Variants in CNTRL observed in about 807,000 individuals in gnomAD.
The protein encoded by CNTRL is centriolin.
In CNTRL, 233 loss-of-function variants were observed where a neutral mutation model predicts 303.7. That is an observed-to-expected ratio of 0.77 (90% confidence interval 0.69 to 0.86). The LOEUF is 0.86. Ranked by LOEUF, CNTRL falls within the 40% of genes least tolerant of loss-of-function variation. CNTRL has a pLI of 0.00. For missense variants in CNTRL, 2,524 were observed against 2,650.6 expected (o/e 0.95, Z 1.05); for synonymous variants, 900 against 922.2 (o/e 0.98, Z 0.44).
rs201327336 is a variant in CNTRL at position 121,143,943 on chromosome 9, G to A, written c.2912G>A (p.Gly971Asp). Residue 971 changes from glycine (G) to aspartate (D), a missense_variant, in exon 20 of 44, where the codon GGT becomes GAT. By Grantham distance (94) the Gly-to-Asp change is moderately conservative. Coordinates refer to ENST00000373855, the MANE Select transcript of CNTRL (RefSeq NM_007018.6). ...EDAKSQEQVF[G>D]LDKELKKLKK... ...GCCAAATCTCAGGAGCAAGTTTTTGGTTTAGATAAAGAACTGAAGAAACTA... is the reference window on the plus strand; with the variant it reads ...GCCAAATCTCAGGAGCAAGTTTTTGATTTAGATAAAGAACTGAAGAAACTA... 277 of 1,607,262 alleles carry A rather than the reference G, an allele frequency of 1.7e-4. No individual in the cohort carries two copies. Among genetic ancestry groups the A allele is most frequent in the Admixed American group, 5.0e-4 (29 of 57,882 alleles).
At chr9:121,146,021 A>T in intron 22 of CNTRL, 87 bp from the exon 23 acceptor site, 1 of 1,229,908 alleles carries the variant, frequency 8.1e-7, no homozygotes, top group Non-Finnish European at 1.1e-6. Context: ...TGATAAAATT[A>T]ATTGGCTCTC....
intron 1 of CNTRL, among the ~76,000 whole-genome samples, chr9:121,075,492 G>A (rs2131888768): frequency 6.6e-6 from 1 of 152,362 alleles, no homozygotes; most frequent in Middle Eastern, 3.4e-3. Context: ...ACGGAGTACA[G>A]TGCGTGGAGA....
intron 11 of CNTRL, among the ~76,000 whole-genome samples, chr9:121,117,901 C>A (rs1227830976): frequency 2.0e-5 from 3 of 151,864 alleles, no homozygotes; most frequent in Non-Finnish European, 4.4e-5. Flanking sequence ...ATGGCGTGAA[C>A]CCGGGATGCA....
Position 121,169,689 on chromosome 9 carries a change from C to G in CNTRL, c.6149C>G (p.Ser2050Cys). Residue 2050 changes from serine to cysteine, a missense_variant, in exon 39 of 44, where the codon TCT (serine) becomes TGT (cysteine). Transcript: ENST00000373855. ...ELLALQKEAD[S>C]MRADFSLLRN... ...TTGGCCCTCCAGAAAGAGGCAGATT[C>G]TATGAGGGCAGACTTCAGCCTTCTG... The G allele has an allele frequency of 1.1e-5, 17 of 1,614,130 alleles. No individual in the cohort carries two copies. Among genetic ancestry groups the G allele is most frequent in the African/African-American group, 1.3e-5 (1 of 75,030 alleles).
In CNTRL at chr9:121,145,147, T is replaced by C; in HGVS notation, c.3169-97T>C. On this transcript the variant is annotated intron_variant, in intron 21 of 43. Coordinates refer to ENST00000373855, the MANE Select transcript of CNTRL (RefSeq NM_007018.6). ...ATGCAGTTTCCTCACTGGGAAAGTG[T>C]AAATAAATATAGAATCATAATCAAG... is the stretch of plus-strand genomic sequence containing the variant. 5 of 1,395,236 alleles carry C rather than the reference T, an allele frequency of 3.6e-6. 1 individual carries two copies. Among genetic ancestry groups the C allele is most frequent in the African/African-American group, 1.4e-5 (1 of 69,258 alleles). The allele number at this position is 1,395,236 out of a possible 1,614,324, so 86.4% of individuals were successfully genotyped here.
chr9:121,158,615 A>G (rs1004011964), intron 30 of CNTRL: 17 of 424,310 alleles, frequency 4.0e-5, no homozygotes, highest in Non-Finnish European at 6.7e-5. Flanking sequence ...AACCTGAGGG[A>G]TGATCATGAT....
rs750940758 is a variant in CNTRL, at chr9:121,152,507, A to G, written c.3986A>G (p.Glu1329Gly). 1.9e-6 allele frequency: 3 copies of G among 1,614,064 alleles called. No individual in the cohort carries two copies. The Admixed American group carries it at 5.0e-5, about 27-fold the overall frequency. Residue 1329 changes from glutamate (E) to glycine (G), a missense_variant, in exon 26 of 44, where the codon GAA becomes GGA. By Grantham distance (98) the Glu-to-Gly change is moderately conservative. Transcript: ENST00000373855. ...CAGGAGAATGAAGTTTCTAGATTAG[A>G]AGACATAATGCAGCATTTAAAATCA... Reference protein sequence around the residue: ...HNLENEVSRLEDIMQHLKSKK... With the variant: ...HNLENEVSRLGDIMQHLKSKK...
intron 27 of CNTRL, 102 bp downstream of exon 27, chr9:121,155,015 TG>T: frequency 9.5e-7 from 1 of 1,051,440 alleles, no homozygotes; most frequent in Non-Finnish European, 1.5e-6. Context: ...AGAGGACAGT[TG>T]TCCAAGTCAG....
chr9:121,127,890 C>T (rs908741235), intron 14 of CNTRL, among the ~76,000 whole-genome samples: 5 of 145,400 alleles, frequency 3.4e-5, no homozygotes, highest in Non-Finnish European at 6.0e-5. Context: ...TGAGAACATG[C>T]GGTGTTTGGT....
chr9:121,173,536 G>T (rs900062302), intron 41 of CNTRL, 27 bp downstream of exon 41: 15 of 1,610,806 alleles, frequency 9.3e-6, no homozygotes, highest in Non-Finnish European at 1.2e-5. Context: ...CTATTCTCTG[G>T]GTTCGTAGGA....
At chr9:121,100,532 T>C (rs1315937732) in intron 7 of CNTRL, among the ~76,000 whole-genome samples, 2 of 152,202 alleles carry the variant, frequency 1.3e-5, no homozygotes, top group East Asian at 3.9e-4. Flanking sequence ...AACATCATAA[T>C]GAAAGGACCA....
chr9:121,149,040 T>C (rs1207386100), intron 24 of CNTRL, among the ~76,000 whole-genome samples, 179 bp downstream of exon 24: 1 of 152,194 alleles, frequency 6.6e-6, no homozygotes, highest in Non-Finnish European at 1.5e-5. Flanking sequence ...GGAATGTCCT[T>C]CCTCCTTCCC....
intron 1 of CNTRL, among the ~76,000 whole-genome samples, chr9:121,077,807 G>T (rs1415471769): frequency 8.3e-6 from 1 of 121,056 alleles, no homozygotes; most frequent in Admixed American, 9.2e-5. Flanking sequence ...TTAGCCAAGC[G>T]TGGTTATATG....
intron 20 of CNTRL, among the ~76,000 whole-genome samples, 177 bp from the exon 21 acceptor site, chr9:121,144,666 C>T (rs2051729429): frequency 1.3e-5 from 2 of 152,184 alleles, no homozygotes; most frequent in African/African-American, 4.8e-5. Flanking sequence ...GGGTTGGGAG[C>T]TGGGCAGGCT....
intron 3 of CNTRL, among the ~76,000 whole-genome samples, chr9:121,088,899 C>T (rs1484108224): frequency 6.6e-6 from 1 of 152,260 alleles, no homozygotes; most frequent in African/African-American, 2.4e-5. Context: ...GTTATACATA[C>T]TTGGCCTATG....
In CNTRL at chr9:121,075,046, T is replaced by C. The variant is rs1179537791; in HGVS notation, c.-226T>C. The C allele has an allele frequency of 6.9e-6, 3 of 434,498 alleles. No homozygotes were observed. Among genetic ancestry groups the C allele is most frequent in the African/African-American group, 6.1e-5 (3 of 49,546 alleles). 26.9% of individuals were successfully genotyped at this position (434,498 alleles called of 1,614,324 possible). Reference sequence around the variant, plus strand: ...CCCGCTCTACCTCAGCCTGCGGGACTGCTCGGCTCGGCTTCTAGGCGGTGA... The same window carrying C: ...CCCGCTCTACCTCAGCCTGCGGGACCGCTCGGCTCGGCTTCTAGGCGGTGA... On this transcript the variant is annotated 5_prime_UTR_variant, in exon 1 of 44. Coordinates refer to ENST00000373855, the MANE Select transcript of CNTRL (RefSeq NM_007018.6).
chr9:121,106,337 CAAA>C (rs11334928), intron 7 of CNTRL, among the ~76,000 whole-genome samples: 18 of 96,558 alleles, frequency 1.9e-4, no homozygotes, highest in Non-Finnish European at 3.2e-4. Flanking sequence ...AGACTCCGTC[CAAA>C]AAAAAAAAAA....
At chr9:121,098,358 T>C in intron 6 of CNTRL, 28 bp from the exon 7 acceptor site, 2 of 1,455,642 alleles carry the variant, frequency 1.4e-6, no homozygotes, top group Non-Finnish European at 1.9e-6. Context: ...AATTAAATTA[T>C]ACCAATACTA....
chr9:121,151,622 C>T (rs867572220), intron 25 of CNTRL, among the ~76,000 whole-genome samples: 2 of 152,088 alleles, frequency 1.3e-5, no homozygotes, highest in Non-Finnish European at 1.5e-5. Flanking sequence ...GAACTCCTGA[C>T]CTTGAGTGAT....
Sources: allele counts gnomAD v4.1 joint callset (sites outside exome capture counted in the v4.1 genomes callset), GRCh38; gene constraint gnomAD v4.1.1; transcripts MANE v1.5; gene names NCBI Gene and HGNC (gene_info 2026-07-23, HGNC 2026-07-21).